Variants in KIZ observed in about 807,000 individuals in gnomAD.
The protein encoded by KIZ is kizuna centrosomal protein.
KIZ carries 68 observed loss-of-function variants against 79.6 expected under a neutral mutation model. The ratio of observed to expected loss-of-function variants is 0.85; its 90% CI spans 0.70 to 1.05. The LOEUF is 1.05. Ranked by LOEUF, KIZ falls within the 50% of genes least tolerant of loss-of-function variation. The probability of loss-of-function intolerance (pLI) is 0.00; values close to 1 mark genes in which losing one functional copy is unlikely to be tolerated. For missense variants in KIZ, 797 were observed against 800.4 expected, an observed-to-expected ratio of 1.00 and a Z score of 0.05; for synonymous variants, 280 against 281.8, an observed-to-expected ratio of 0.99 and a Z score of 0.06.
intron 1 of KIZ, among the ~76,000 whole-genome samples, chr20:21,127,675 CAAAT>C (rs1386156393): frequency 6.6e-6 from 1 of 152,136 alleles, no homozygotes; most frequent in Non-Finnish European, 1.5e-5. Flanking sequence ...ATAACTAACT[CAAAT>C]TAATGCACAC....
At chr20:21,237,502 T>A (rs947914206) in intron 11 of KIZ, among the ~76,000 whole-genome samples, 4 of 152,014 alleles carry the variant, frequency 2.6e-5, no homozygotes, top group African/African-American at 7.2e-5. Context: ...CAAGCACGGG[T>A]AGTCTGCACA....
intron 4 of KIZ, among the ~76,000 whole-genome samples, chr20:21,146,170 A>G (rs533766824): frequency 1.3e-5 from 2 of 152,224 alleles, no homozygotes; most frequent in South Asian, 2.1e-4. Flanking sequence ...CTATCTCCAT[A>G]TAAATGATTC....
chr20:21,132,121 A>G lies in KIZ; in HGVS notation c.114A>G (p.Glu38=). The G allele has an allele frequency of 6.9e-7, 1 of 1,458,754 alleles. No individual in the cohort carries two copies. Among genetic ancestry groups the G allele is most frequent in the Non-Finnish European group, 9.4e-7 (1 of 1,067,516 alleles). The allele number at this position is 1,458,754 out of a possible 1,614,324, so 90.4% of individuals were successfully genotyped here. A position where few individuals can be genotyped will look rare whatever the true frequency, so the allele number is the denominator to read the frequency against. Residue 38 remains glutamate (E), a synonymous_variant, in exon 2 of 13, where the codon GAA becomes GAG. Coordinates refer to ENST00000619189, the MANE Select transcript of KIZ (RefSeq NM_018474.6). ...GTGAAAAGAAGAGATTGGACCTGGA[A>G]AAGAAACTTTATGAATATAATCAGT... ...RDSEKKRLDL[E]KKLYEYNQSD... is the part of the protein sequence containing the mutation.
rs551437549 is a variant in KIZ at position 21,231,842 on chromosome 20, C to G, written c.1784-892C>G. Among the ~76,000 whole-genome samples the G allele has an allele frequency of 6.6e-5, 10 of 152,284 alleles. No homozygotes were observed. The East Asian group carries it at 1.7e-3, about 26-fold the overall frequency. The stretch of plus-strand genomic sequence containing the variant: ...GTGCATGTTTCACTTACTTCTGAGT[C>G]TTTGGACCTGAAGGAAAGCCACTTA... On this transcript the variant is annotated intron_variant, in intron 10 of 12. Coordinates refer to ENST00000619189, the MANE Select transcript of KIZ (RefSeq NM_018474.6).
chr20:21,201,649 AAATT>A (rs1318187715), intron 6 of KIZ, among the ~76,000 whole-genome samples: 5 of 152,242 alleles, frequency 3.3e-5, no homozygotes, highest in African/African-American at 4.8e-5. Context: ...CAAGTACATG[AAATT>A]AATTATAGAC....
chr20:21,129,485 G>A (rs1027259414), intron 1 of KIZ, among the ~76,000 whole-genome samples: 5 of 152,006 alleles, frequency 3.3e-5, no homozygotes, highest in Non-Finnish European at 7.4e-5. Context: ...CTATAATCCC[G>A]GCACTTTGAG....
intron 6 of KIZ, among the ~76,000 whole-genome samples, chr20:21,201,368 AAACATAATGAGACTATC>A (rs2035590706): frequency 6.6e-6 from 1 of 152,218 alleles, no homozygotes; most frequent in Admixed American, 6.5e-5. Context: ...ATTTTATGAG[AAACATAATGAGACTATC>A]CATTTATTTT....
intron 6 of KIZ, among the ~76,000 whole-genome samples, chr20:21,171,914 T>C (rs2034222453): frequency 6.6e-6 from 1 of 152,212 alleles, no homozygotes; most frequent in Non-Finnish European, 1.5e-5. Flanking sequence ...CCATAGTCCT[T>C]GCTGAGCCTT....
intron 6 of KIZ, chr20:21,196,602 T>C (rs954415462): frequency 2.0e-5 from 3 of 152,216 alleles, no homozygotes; most frequent in African/African-American, 4.8e-5. Flanking sequence ...GAGGTATTCA[T>C]AGGTACTATA....
intron 4 of KIZ, among the ~76,000 whole-genome samples, chr20:21,160,476 TTCTC>T (rs150313632): frequency 6.6e-6 from 1 of 151,488 alleles, no homozygotes; most frequent in Non-Finnish European, 1.5e-5. Context: ...CGGGTCCCTT[TTCTC>T]TCTCTCTCTG....
intron 11 of KIZ, among the ~76,000 whole-genome samples, chr20:21,240,148 G>T (rs142958574): frequency 6.6e-6 from 1 of 151,108 alleles, no homozygotes; most frequent in Non-Finnish European, 1.5e-5. Flanking sequence ...TTTTTGAGAC[G>T]GTGTCTCGCT....
intron 6 of KIZ, chr20:21,196,437 C>T (rs2035347203): frequency 6.6e-6 from 1 of 152,278 alleles, no homozygotes; most frequent in Admixed American, 6.5e-5. Context: ...CTGCCCTATA[C>T]CTCTCACCGT....
At chr20:21,145,298 T>C (rs2032790607) in intron 3 of KIZ, among the ~76,000 whole-genome samples, 1 of 152,178 alleles carries the variant, frequency 6.6e-6, no homozygotes, top group South Asian at 2.1e-4. Context: ...CATGTGTATA[T>C]ATATAAAGAT....
intron 7 of KIZ, among the ~76,000 whole-genome samples, chr20:21,211,690 G>T (rs1352147482): frequency 6.6e-6 from 1 of 152,192 alleles, no homozygotes; most frequent in Non-Finnish European, 1.5e-5. Flanking sequence ...ATCAGTCTCA[G>T]ACTGCAAACT....
At chr20:21,217,863 C>T (rs941941531) in intron 9 of KIZ, among the ~76,000 whole-genome samples, 4 of 152,106 alleles carry the variant, frequency 2.6e-5, no homozygotes, top group African/African-American at 9.7e-5. Context: ...AGGAGCCTCA[C>T]AAAGCAAACT....
At chr20:21,131,937 C>A in intron 1 of KIZ, 160 bp from the exon 2 acceptor site, 1 of 523,592 alleles carries the variant, frequency 1.9e-6, no homozygotes, top group South Asian at 2.8e-5. Context: ...CTTCTTAGAC[C>A]AGAGAAGCAT....
At chr20:21,201,588 G>A (rs1465024345) in intron 6 of KIZ, among the ~76,000 whole-genome samples, 1 of 152,160 alleles carries the variant, frequency 6.6e-6, no homozygotes, top group Non-Finnish European at 1.5e-5. Context: ...TTAAAGTTAG[G>A]AAATACGGAT....
At chr20:21,217,894 G>A (rs1458089088) in intron 9 of KIZ, among the ~76,000 whole-genome samples, 1 of 152,194 alleles carries the variant, frequency 6.6e-6, no homozygotes, top group East Asian at 1.9e-4. Context: ...CATAAGTAGA[G>A]AGAATGAGGA....
chr20:21,154,485 T>C (rs6047274), intron 4 of KIZ, among the ~76,000 whole-genome samples: 94,275 of 152,054 alleles, frequency 0.62, 29,847 homozygotes, highest in South Asian at 0.78. Context: ...CCACAACTCC[T>C]AACATTTTTC....
Sources: gnomAD v4.1 joint callset for allele counts (sites outside exome capture counted in the v4.1 genomes callset) on GRCh38, gnomAD v4.1.1 for gene constraint, MANE v1.5 for transcripts, NCBI Gene and HGNC (gene_info 2026-07-23, HGNC 2026-07-21) for gene names.